FANK1: variants seen among roughly 807,000 people sequenced by gnomAD.
The protein encoded by FANK1 is fibronectin type III and ankyrin repeat domains 1, also known as fibronectin type 3 and ankyrin repeat domains protein 1.
In FANK1, 44 loss-of-function variants were observed where a neutral mutation model predicts 45.3. That is an observed-to-expected ratio of 0.97 (90% CI 0.76 to 1.25). FANK1 has a LOEUF of 1.25. Ranked by LOEUF, FANK1 falls within the 50% of genes most tolerant of loss-of-function variation. The probability of loss-of-function intolerance (pLI) is 0.00; values close to 1 mark genes in which losing one functional copy is unlikely to be tolerated. For synonymous variants in FANK1, 149 were observed against 152.5 expected, an observed-to-expected ratio of 0.98 and a Z score of 0.17; for missense variants, 391 against 424.4, an observed-to-expected ratio of 0.92 and a Z score of 0.69.
chr10:125,900,191 C>T (rs1281631290), intron 1 of FANK1, among the ~76,000 whole-genome samples: 1 of 152,306 alleles, frequency 6.6e-6, no homozygotes, highest in Non-Finnish European at 1.5e-5. Context: ...AAATTAAATA[C>T]GTTCACAACC....
At chr10:125,977,508 G>C (rs993232825) in intron 1 of FANK1, among the ~76,000 whole-genome samples, 1 of 152,176 alleles carries the variant, frequency 6.6e-6, no homozygotes, top group Non-Finnish European at 1.5e-5. Flanking sequence ...GAAACTGTGT[G>C]TTCCTCTCCC....
At position 126,009,048 on chromosome 10, in the gene FANK1, T is replaced by G. The variant is rs1180504011; in HGVS notation, c.850-6T>G. 6.2e-7 allele frequency: 1 copy of G among 1,613,818 alleles called. No individual in the cohort carries two copies. Among genetic ancestry groups the G allele is most frequent in the Non-Finnish European group, 8.5e-7 (1 of 1,180,018 alleles). ...CATGCACACCACCCTGGGTTTTGTT[T>G]TCTAGGTGGCTGTGTTAAATAATCA... On this transcript the variant is annotated splice_polypyrimidine_tract_variant and splice_region_variant and intron_variant, in intron 8 of 10. Coordinates refer to ENST00000368693, the MANE Select transcript of FANK1 (RefSeq NM_145235.5).
At chr10:126,004,625 C>T in intron 6 of FANK1, 1 of 409,744 alleles carries the variant, frequency 2.4e-6, no homozygotes, top group Non-Finnish European at 4.5e-6. Context: ...CAATATGTGG[C>T]CTTTCATGGC....
chr10:125,913,160 TTGG>T (rs1214241854), intron 1 of FANK1, among the ~76,000 whole-genome samples: 2 of 152,212 alleles, frequency 1.3e-5, no homozygotes, highest in African/African-American at 4.8e-5. Context: ...CTGTTCTGAA[TTGG>T]TGATTATCAA....
At chr10:125,909,043 C>T (rs1176920283) in intron 1 of FANK1, among the ~76,000 whole-genome samples, 8 of 152,254 alleles carry the variant, frequency 5.3e-5, no homozygotes, top group African/African-American at 2.4e-5. Flanking sequence ...CAAGACGGCT[C>T]ACTTAACATG....
At chr10:125,897,827 C>T (rs1944679634) in intron 1 of FANK1, among the ~76,000 whole-genome samples, 1 of 151,716 alleles carries the variant, frequency 6.6e-6, no homozygotes, top group South Asian at 2.1e-4. Context: ...GTGTATATTC[C>T]CGCCTTAGAG....
intron 1 of FANK1, among the ~76,000 whole-genome samples, chr10:125,951,627 A>G (rs1257801692): frequency 6.6e-6 from 1 of 152,168 alleles, no homozygotes; most frequent in Non-Finnish European, 1.5e-5. Context: ...TTTGTTGGTG[A>G]TCATGATTCT....
intron 1 of FANK1, among the ~76,000 whole-genome samples, chr10:125,954,717 C>T (rs1031931631): frequency 2.6e-5 from 4 of 152,034 alleles, no homozygotes; most frequent in South Asian, 2.1e-4. Context: ...GTCAGGAGTT[C>T]GAGACCAGCC....
At chr10:125,978,040 G>T (rs1950960919) in intron 1 of FANK1, among the ~76,000 whole-genome samples, 1 of 152,162 alleles carries the variant, frequency 6.6e-6, no homozygotes, top group African/African-American at 2.4e-5. Flanking sequence ...GACCTGTCCA[G>T]TGAGGAGATA....
intron 6 of FANK1, among the ~76,000 whole-genome samples, chr10:125,997,830 C>T (rs1221726077): frequency 1.3e-5 from 2 of 152,240 alleles, no homozygotes; most frequent in African/African-American, 4.8e-5. Context: ...GCCCCTGGCA[C>T]CCCGTGCCTC....
intron 1 of FANK1, among the ~76,000 whole-genome samples, chr10:125,976,744 T>A (rs981108553): frequency 6.6e-6 from 1 of 152,158 alleles, no homozygotes; most frequent in South Asian, 2.1e-4. Context: ...TACCTCAGCC[T>A]CCTGAGTAGC....
chr10:125,907,509 A>G, intron 1 of FANK1: 1 of 985,278 alleles, frequency 1.0e-6, no homozygotes, highest in Non-Finnish European at 1.2e-6. Context: ...GAACGTGAGT[A>G]GGATCTGTGA....
chr10:125,906,345 A>G (rs1325366608), intron 1 of FANK1, among the ~76,000 whole-genome samples: 1 of 151,772 alleles, frequency 6.6e-6, no homozygotes, highest in Admixed American at 6.6e-5. Flanking sequence ...GTGAAACCCC[A>G]TCTCTATTAA....
chr10:125,973,941 CCCAT>C (rs1169197528), intron 1 of FANK1, among the ~76,000 whole-genome samples: 3 of 152,306 alleles, frequency 2.0e-5, no homozygotes, highest in Admixed American at 2.0e-4. Flanking sequence ...ATGTTTTCCA[CCCAT>C]CCATTTTGAA....
chr10:125,911,519 G>C (rs571063021), intron 1 of FANK1, among the ~76,000 whole-genome samples: 1 of 152,342 alleles, frequency 6.6e-6, no homozygotes, highest in Admixed American at 6.5e-5. Context: ...GAAACAATGT[G>C]TATCTGACAT....
intron 1 of FANK1, among the ~76,000 whole-genome samples, chr10:125,901,858 C>T (rs113939031): frequency 6.6e-5 from 10 of 152,244 alleles, no homozygotes; most frequent in East Asian, 1.9e-4. Context: ...TGGTGGCTCA[C>T]GCCTGTAATC....
intron 1 of FANK1, among the ~76,000 whole-genome samples, chr10:125,899,518 T>G (rs549884129): frequency 6.6e-6 from 1 of 152,372 alleles, no homozygotes; most frequent in African/African-American, 2.4e-5. Flanking sequence ...GCCTGGAAAT[T>G]CTTTTACAGT....
At chr10:125,993,990 G>A (rs1317553389) in intron 3 of FANK1, among the ~76,000 whole-genome samples, 3 of 152,150 alleles carry the variant, frequency 2.0e-5, no homozygotes, top group Non-Finnish European at 4.4e-5. Flanking sequence ...TGGCACCACT[G>A]AAACCCTCCG....
At chr10:125,971,600 G>A (rs552644245) in intron 1 of FANK1, among the ~76,000 whole-genome samples, 3 of 152,032 alleles carry the variant, frequency 2.0e-5, no homozygotes, top group East Asian at 1.9e-4. Flanking sequence ...TCTGGAGAAC[G>A]AACTAATAGT....
Sources: gnomAD v4.1 joint callset for allele counts (sites outside exome capture counted in the v4.1 genomes callset) on GRCh38, gnomAD v4.1.1 for gene constraint, MANE v1.5 for transcripts, NCBI Gene and HGNC (gene_info 2026-07-23, HGNC 2026-07-21) for gene names.